Variants in ZFHX3 observed in about 807,000 individuals in gnomAD.
ZFHX3 encodes zinc finger homeobox protein 3.
ZFHX3 carries 42 observed loss-of-function variants against 279.1 expected under a neutral mutation model. The ratio of observed to expected loss-of-function variants is 0.15; its 90% CI spans 0.12 to 0.19. The LOEUF is 0.19. Among genes scored for constraint, ZFHX3 ranks in the 10% least tolerant of loss-of-function variants. The pLI is 1.00. For synonymous variants in ZFHX3, 2,293 were observed against 1,957.8 expected, an observed-to-expected ratio of 1.17 and a Z score of -4.52; for missense variants, 4,981 against 4,754.0, an observed-to-expected ratio of 1.05 and a Z score of -1.40.
chr16:73,512,495 G>GAA (rs1168882532), intron 2 of ZFHX3, among the ~76,000 whole-genome samples: 3 of 130,960 alleles, frequency 2.3e-5, no homozygotes, highest in East Asian at 2.3e-4. Context: ...GTCTTCTGTG[G>GAA]AAAAAAAAAA....
At chr16:72,942,020 C>T (rs570730488) in intron 3 of ZFHX3, among the ~76,000 whole-genome samples, 45 of 152,308 alleles carry the variant, frequency 3.0e-4, no homozygotes, top group African/African-American at 1.0e-3. Flanking sequence ...GTACATGGTT[C>T]AGGTGGATCA....
intron 4 of ZFHX3, among the ~76,000 whole-genome samples, chr16:73,278,289 TAG>T (rs1376806359): frequency 6.6e-6 from 1 of 152,246 alleles, no homozygotes; most frequent in African/African-American, 2.4e-5. Flanking sequence ...ATTTTATCAT[TAG>T]AGTCTCAGAC....
chr16:73,055,715 C>T (rs62055079), intron 1 of ZFHX3, among the ~76,000 whole-genome samples: 2 of 143,242 alleles, frequency 1.4e-5, no homozygotes, highest in African/African-American at 4.9e-5. Context: ...CACACACACA[C>T]ACACACATAC....
chr16:72,852,433 G>C (rs545076367), intron 4 of ZFHX3, among the ~76,000 whole-genome samples: 1 of 152,192 alleles, frequency 6.6e-6, no homozygotes, highest in Non-Finnish European at 1.5e-5. Flanking sequence ...ACAGATAACT[G>C]AAACTTTCCA....
At chr16:73,576,588 A>G (rs888976977) in intron 2 of ZFHX3, among the ~76,000 whole-genome samples, 1 of 152,186 alleles carries the variant, frequency 6.6e-6, no homozygotes, top group African/African-American at 2.4e-5. Flanking sequence ...AGGTAAACGG[A>G]TGGGGACCTG....
At chr16:72,973,416 G>GT (rs1962193484) in intron 1 of ZFHX3, 1 of 152,144 alleles carries the variant, frequency 6.6e-6, no homozygotes, top group African/African-American at 2.4e-5. Flanking sequence ...CACCTGTGTC[G>GT]TTTCCCTCCA....
intron 2 of ZFHX3, among the ~76,000 whole-genome samples, chr16:73,570,548 T>C (rs1281004290): frequency 6.6e-6 from 1 of 152,210 alleles, no homozygotes; most frequent in African/African-American, 2.4e-5. Context: ...ATGGCGACTT[T>C]CATGATATGG....
At chr16:73,774,860 C>T (rs2054059169) in intron 1 of ZFHX3, among the ~76,000 whole-genome samples, 1 of 152,150 alleles carries the variant, frequency 6.6e-6, no homozygotes, top group African/African-American at 2.4e-5. Flanking sequence ...AGACCTGAAC[C>T]TTGCATGAAT....
At chr16:73,399,637 G>A (rs1204820938) in intron 3 of ZFHX3, among the ~76,000 whole-genome samples, 2 of 152,144 alleles carry the variant, frequency 1.3e-5, no homozygotes, top group Non-Finnish European at 2.9e-5. Flanking sequence ...CTCCCTGCAC[G>A]CTTGAGTGGG....
chr16:73,203,383 C>T (rs1331796674), intron 5 of ZFHX3, among the ~76,000 whole-genome samples: 3 of 152,196 alleles, frequency 2.0e-5, no homozygotes, highest in Non-Finnish European at 4.4e-5. Context: ...TACATACAGA[C>T]ATTATTTTTT....
intron 2 of ZFHX3, among the ~76,000 whole-genome samples, chr16:73,493,330 CTTT>C (rs1006539561): frequency 6.6e-6 from 1 of 152,036 alleles, no homozygotes; most frequent in African/African-American, 2.4e-5. Flanking sequence ...TCTCATTATT[CTTT>C]TTTTTCCAGA....
At position 72,788,188 on chromosome 16, in the gene ZFHX3, T is replaced by A. The variant is rs2035536140; in HGVS notation, c.10088A>T (p.Gln3363Leu). Residue 3363 changes from glutamine to leucine, a missense_variant, in exon 10 of 10, where the codon CAG becomes CTG. This residue lies in a region of ZFHX3 where 1,034 missense variants were observed against 786.0 expected (regional missense o/e 1.32). Transcript: ENST00000268489. ...MGLSPGSLLQQYQQYQQSLQE... is the reference protein window; with the variant it reads ...MGLSPGSLLQLYQQYQQSLQE... ...CAGACTCTGCTGGTATTGCTGGTAC[T>A]GCTGCAGTAGGGAGCCTGGGGACAG... 6.2e-7 allele frequency: 1 copy of A among 1,612,266 alleles called. No individual in the cohort carries two copies.
intron 2 of ZFHX3, among the ~76,000 whole-genome samples, chr16:73,514,421 T>C (rs1239076287): frequency 6.6e-6 from 1 of 152,202 alleles, no homozygotes. Flanking sequence ...AGGCATTTTA[T>C]ACATATTTTC....
At chr16:73,701,204 G>T (rs1364806541) in intron 1 of ZFHX3, among the ~76,000 whole-genome samples, 1 of 152,144 alleles carries the variant, frequency 6.6e-6, no homozygotes, top group Non-Finnish European at 1.5e-5. Flanking sequence ...AAAGTCATCT[G>T]TTATTTGAAA....
intron 5 of ZFHX3, among the ~76,000 whole-genome samples, chr16:73,235,365 G>A (rs1433324231): frequency 1.3e-5 from 2 of 152,190 alleles, no homozygotes; most frequent in African/African-American, 2.4e-5. Flanking sequence ...CCTACATGGT[G>A]AGGCACCATG....
In ZFHX3 at chr16:72,787,792, A is replaced by C; in HGVS notation, c.10484T>G (p.Val3495Gly). Residue 3495 changes from valine to glycine, a missense_variant, in exon 10 of 10, where the codon GTG becomes GGG. Val to Gly is a moderately radical substitution (Grantham distance 109). This residue lies in a region of ZFHX3 where 1,034 missense variants were observed against 786.0 expected (regional missense o/e 1.32). Coordinates refer to ENST00000268489, the MANE Select transcript of ZFHX3 (RefSeq NM_006885.4). ...KSLCFFGQSV[V>G]NLQEMVLHVP... ...GTGAAGCACCATCTCTTGCAGGTTC[A>C]CCACAGACTGGCCGAAGAAGCAGAG... is the stretch of plus-strand genomic sequence containing the variant. 2 of 1,611,500 alleles carry C rather than the reference A, an allele frequency of 1.2e-6. No individual in the cohort carries two copies. Among genetic ancestry groups the C allele is most frequent in the Middle Eastern group, 1.7e-4 (1 of 6,044 alleles).
chr16:73,241,300 T>C (rs1298771202), intron 5 of ZFHX3, among the ~76,000 whole-genome samples: 2 of 148,540 alleles, frequency 1.3e-5, no homozygotes, highest in Non-Finnish European at 3.0e-5. Flanking sequence ...AGAAACTCAT[T>C]TTTGCTTTTT....
intron 1 of ZFHX3, among the ~76,000 whole-genome samples, chr16:73,845,042 T>C (rs1386189022): frequency 6.6e-6 from 1 of 152,130 alleles, no homozygotes; most frequent in African/African-American, 2.4e-5. Flanking sequence ...TAGGAGCTCC[T>C]CTTTTTTATA....
chr16:73,018,781 C>T (rs538484478), intron 1 of ZFHX3, among the ~76,000 whole-genome samples: 4 of 152,294 alleles, frequency 2.6e-5, no homozygotes, highest in Admixed American at 2.6e-4. Context: ...CTAAAACTGG[C>T]TGTCAGTTTC....
Sources: allele counts gnomAD v4.1 joint callset (sites outside exome capture counted in the v4.1 genomes callset), GRCh38; gene constraint gnomAD v4.1.1; regional missense constraint gnomAD v4.1.1; transcripts MANE v1.5; gene names NCBI Gene and HGNC (gene_info 2026-07-23, HGNC 2026-07-21).